RYR3: variants seen among roughly 807,000 people sequenced by gnomAD.
RYR3 encodes the protein brain ryanodine receptor-calcium release channel.
In RYR3, 207 loss-of-function variants were observed where a neutral mutation model predicts 584.3. The observed-to-expected ratio is 0.35, with a 90% CI of 0.32 to 0.40. RYR3 has a LOEUF of 0.40. RYR3 is among the 10% of genes least tolerant of loss of function. The pLI, the probability that RYR3 is intolerant of heterozygous loss-of-function variation, is 1.00. For synonymous variants in RYR3, 2,416 were observed against 2,248.5 expected (o/e 1.07, Z -2.11); for missense variants, 5,616 against 6,089.2 (o/e 0.92, Z 2.59).
At chr15:33,351,302 T>A (rs1338166904) in intron 1 of RYR3, among the ~76,000 whole-genome samples, 2 of 152,170 alleles carry the variant, frequency 1.3e-5, no homozygotes, top group Non-Finnish European at 2.9e-5. Context: ...CAGGACCAGA[T>A]GGATTCACAG....
At chr15:33,316,967 C>T (rs1337939075) in intron 1 of RYR3, among the ~76,000 whole-genome samples, 1 of 152,190 alleles carries the variant, frequency 6.6e-6, no homozygotes. Context: ...TATTCTTAAG[C>T]TATTTGATTA....
chr15:33,864,582 C>T (rs939950653), intron 103 of RYR3, among the ~76,000 whole-genome samples: 2 of 151,224 alleles, frequency 1.3e-5, no homozygotes, highest in African/African-American at 4.8e-5. Context: ...ACACAGGAGC[C>T]TGGAGGTGTG....
intron 12 of RYR3, among the ~76,000 whole-genome samples, chr15:33,572,280 C>T (rs983242632): frequency 5.3e-5 from 8 of 152,100 alleles, no homozygotes; most frequent in Admixed American, 4.6e-4. Context: ...TATTTCTTTG[C>T]ATGGATTCCA....
rs74788597 is a variant in RYR3, at chr15:33,699,069, A to T, written c.6250-635A>T. 4.8e-3 allele frequency among the ~76,000 whole-genome samples: 730 copies of T among 152,330 alleles called. 2 individuals carry two copies. Among genetic ancestry groups the T allele is most frequent in the African/African-American group, 0.017 (688 of 41,568 alleles). On this transcript the variant is annotated intron_variant, in intron 40 of 103. Coordinates refer to ENST00000634891, the MANE Select transcript of RYR3 (RefSeq NM_001036.6). Reference sequence around the variant, plus strand: ...AATTACAAGTGCTATGGAATCCCATAGAAGAGCAATTATCAATGACAAAAG... The same window carrying T: ...AATTACAAGTGCTATGGAATCCCATTGAAGAGCAATTATCAATGACAAAAG...
intron 36 of RYR3, among the ~76,000 whole-genome samples, chr15:33,668,775 T>C (rs1223265902): frequency 1.3e-5 from 2 of 152,202 alleles, no homozygotes; most frequent in Non-Finnish European, 2.9e-5. Context: ...AACCTGTTCC[T>C]CTAGTCATTT....
rs143099658 is a variant in RYR3, at chr15:33,744,688, G to C, written c.7900-1380G>C. 2.0e-4 allele frequency among the ~76,000 whole-genome samples: 31 copies of C among 152,160 alleles called. 1 individual carries two copies. Among genetic ancestry groups the C allele is most frequent in the Admixed American group, 3.9e-4 (6 of 15,272 alleles). ...GTCACAAGGAAGTAAGCGCGCTGCC[G>C]GCCTTGGGAACAGCAGGTGCAGACC... On this transcript the variant is annotated intron_variant, in intron 52 of 103. Coordinates refer to ENST00000634891, the MANE Select transcript of RYR3 (RefSeq NM_001036.6).
At chr15:33,651,655 C>T (rs2062475763) in intron 31 of RYR3, among the ~76,000 whole-genome samples, 1 of 152,212 alleles carries the variant, frequency 6.6e-6, no homozygotes, top group Admixed American at 6.5e-5. Flanking sequence ...ACCCACCCCA[C>T]AGTGCCAAAT....
At chr15:33,811,108 T>C in intron 72 of RYR3, 71 bp downstream of exon 72, 1 of 1,269,144 alleles carries the variant, frequency 7.9e-7, no homozygotes, top group Non-Finnish European at 1.1e-6. Context: ...AGCTTTTCAC[T>C]TCATTTACTC....
At chr15:33,783,447 A>G (rs1326769721) in intron 65 of RYR3, among the ~76,000 whole-genome samples, 1 of 152,090 alleles carries the variant, frequency 6.6e-6, no homozygotes, top group Non-Finnish European at 1.5e-5. Flanking sequence ...AATACAAAAC[A>G]CCCTGAATCA....
intron 38 of RYR3, among the ~76,000 whole-genome samples, chr15:33,679,522 T>G (rs968316414): frequency 3.9e-5 from 6 of 152,202 alleles, no homozygotes; most frequent in African/African-American, 1.4e-4. Flanking sequence ...ATTTGCCATT[T>G]TAGTAAACTG....
At chr15:33,752,412 T>C (rs571867917) in intron 57 of RYR3, among the ~76,000 whole-genome samples, 21 of 152,096 alleles carry the variant, frequency 1.4e-4, no homozygotes, top group Middle Eastern at 6.8e-3. Context: ...TCGTTGAGCA[T>C]TGATTTGTAG....
At chr15:33,473,394 G>T in intron 1 of RYR3, 25 bp from the exon 2 acceptor site, 1 of 1,613,500 alleles carries the variant, frequency 6.2e-7, no homozygotes, top group South Asian at 1.1e-5. Context: ...CCTTACTCAT[G>T]TTTGGGTCTC....
intron 1 of RYR3, among the ~76,000 whole-genome samples, chr15:33,455,122 AAC>A (rs1467861460): frequency 3.9e-5 from 6 of 152,186 alleles, no homozygotes; most frequent in African/African-American, 1.4e-4. Flanking sequence ...TTGAATGTGT[AAC>A]ACAGAGCAGC....
In RYR3 at chr15:33,562,842, CAAG is replaced by C. The variant is rs1199261991; in HGVS notation, c.979_981del (p.Lys327del). On this transcript the variant is annotated inframe_deletion, in exon 11 of 104. Transcript: ENST00000634891. Reference sequence around the variant, plus strand: ...TCTTTTTGTGTATGAATTAGGAACTCAAGGAGAAATTAGACTCCAGTCACAAGC... The same window carrying C: ...TCTTTTTGTGTATGAATTAGGAACTCGAGAAATTAGACTCCAGTCACAAGC... 3.7e-6 allele frequency: 6 copies of C among 1,610,718 alleles called. No homozygotes were observed. In the African/African-American group the frequency reaches 6.7e-5, roughly 18 times the overall value.
intron 1 of RYR3, among the ~76,000 whole-genome samples, chr15:33,443,250 C>T (rs926556555): frequency 9.4e-5 from 11 of 116,794 alleles, no homozygotes; most frequent in Non-Finnish European, 1.9e-4. Context: ...GATAGTAAGA[C>T]TCCACCTCAA....
At chr15:33,767,430 G>A (rs1380607647) in intron 60 of RYR3, among the ~76,000 whole-genome samples, 1 of 152,206 alleles carries the variant, frequency 6.6e-6, no homozygotes, top group Non-Finnish European at 1.5e-5. Context: ...AGGCCAGGGG[G>A]TCCCAACTCT....
At chr15:33,584,532 T>C in intron 15 of RYR3, 42 bp downstream of exon 15, 36 of 724,802 alleles carry the variant, frequency 5.0e-5, no homozygotes, top group Non-Finnish European at 7.8e-5. Flanking sequence ...AGATGAAGGG[T>C]TTTTTTTTTC....
At chr15:33,802,288 A>G (rs2075959810) in intron 69 of RYR3, among the ~76,000 whole-genome samples, 2 of 152,250 alleles carry the variant, frequency 1.3e-5, no homozygotes, top group Admixed American at 6.5e-5. Flanking sequence ...GTGAGGATAC[A>G]GCAATACACA....
chr15:33,395,294 G>A (rs558859913), intron 1 of RYR3, among the ~76,000 whole-genome samples: 1 of 152,316 alleles, frequency 6.6e-6, no homozygotes, highest in South Asian at 2.1e-4. Context: ...GCCTGATTAT[G>A]GGAAGACATT....
Sources: allele counts gnomAD v4.1 joint callset (sites outside exome capture counted in the v4.1 genomes callset), GRCh38; gene constraint gnomAD v4.1.1; transcripts MANE v1.5; gene names NCBI Gene and HGNC (gene_info 2026-07-23, HGNC 2026-07-21).